CSMD1: variants seen among roughly 807,000 people sequenced by gnomAD.
CSMD1 encodes the protein CUB and sushi domain-containing protein 1.
Under a neutral mutation model 417.5 loss-of-function variants are expected in CSMD1, and 213 were observed. The ratio of observed to expected loss-of-function variants is 0.51; its 90% confidence interval spans 0.46 to 0.57. CSMD1 has a LOEUF of 0.57. Ranked by LOEUF, CSMD1 falls within the 20% of genes least tolerant of loss-of-function variation. The pLI, the probability that CSMD1 is intolerant of heterozygous loss-of-function variation, is 0.00. For missense variants in CSMD1, 6,923 were observed against 4,529.7 expected, an observed-to-expected ratio of 1.53 and a Z score of -15.17; for synonymous variants, 2,862 against 1,736.8, an observed-to-expected ratio of 1.65 and a Z score of -16.11.
intron 3 of CSMD1, among the ~76,000 whole-genome samples, chr8:4,333,918 TTCTCAC>T (rs1358424524): frequency 6.6e-6 from 1 of 152,090 alleles, no homozygotes; most frequent in Non-Finnish European, 1.5e-5. Flanking sequence ...TTGAGAAAAG[TTCTCAC>T]TCTGTCATCC....
intron 1 of CSMD1, among the ~76,000 whole-genome samples, chr8:4,841,854 T>G (rs1800852912): frequency 7.7e-6 from 1 of 129,696 alleles, no homozygotes; most frequent in Admixed American, 1.1e-4. Context: ...GAGGTTACAG[T>G]GAGCCGAGAT....
At chr8:4,489,375 T>C (rs1225355201) in intron 2 of CSMD1, among the ~76,000 whole-genome samples, 1 of 152,240 alleles carries the variant, frequency 6.6e-6, no homozygotes, top group African/African-American at 2.4e-5. Context: ...TCCATGTATA[T>C]TTCACATGCA....
intron 3 of CSMD1, among the ~76,000 whole-genome samples, chr8:4,040,829 G>T (rs73183951): frequency 6.6e-6 from 1 of 152,066 alleles, no homozygotes; most frequent in Non-Finnish European, 1.5e-5. Flanking sequence ...AAAGACTTTA[G>T]CAGCTCCGGA....
intron 4 of CSMD1, among the ~76,000 whole-genome samples, chr8:4,002,717 G>T (rs955369194): frequency 6.6e-6 from 1 of 152,110 alleles, no homozygotes; most frequent in African/African-American, 2.4e-5. Context: ...GACCCAATAT[G>T]ATTAAATGTA....
intron 2 of CSMD1, among the ~76,000 whole-genome samples, chr8:4,585,375 A>G (rs1799647603): frequency 6.6e-6 from 1 of 152,188 alleles, no homozygotes; most frequent in Admixed American, 6.5e-5. Flanking sequence ...GTTAATACAC[A>G]ATTTTTGAAA....
At chr8:3,435,763 GTC>G (rs1344102270) in intron 12 of CSMD1, among the ~76,000 whole-genome samples, 1 of 152,138 alleles carries the variant, frequency 6.6e-6, no homozygotes, top group African/African-American at 2.4e-5. Context: ...AACAATGTGT[GTC>G]AGGTCAGGCA....
At chr8:4,136,675 G>A (rs1372835916) in intron 3 of CSMD1, among the ~76,000 whole-genome samples, 1 of 152,236 alleles carries the variant, frequency 6.6e-6, no homozygotes, top group South Asian at 2.1e-4. Flanking sequence ...TGTCTCACAA[G>A]TGTGCTGTGA....
At chr8:4,733,010 G>C (rs543727509) in intron 1 of CSMD1, among the ~76,000 whole-genome samples, 1 of 139,610 alleles carries the variant, frequency 7.2e-6, no homozygotes, top group East Asian at 2.0e-4. Flanking sequence ...TCTTTCATTT[G>C]CACGGTTTCT....
rs144776573 is a variant in CSMD1, at chr8:3,646,385, C to G, written c.1010-29588G>C. On this transcript the variant is annotated intron_variant, in intron 7 of 69. Transcript: ENST00000635120. ...CCAACTTTTTTCTATGCATGCATTG[C>G]TTTGTAATAAGAAATTACCATACAA... Among the ~76,000 whole-genome samples, 122 of 152,148 alleles carry G rather than the reference C, an allele frequency of 8.0e-4. 1 individual carries two copies. Among genetic ancestry groups the G allele is most frequent in the African/African-American group, 2.9e-3 (120 of 41,514 alleles).
chr8:4,797,941 T>C (rs1460988525), intron 1 of CSMD1, among the ~76,000 whole-genome samples: 2 of 152,208 alleles, frequency 1.3e-5, no homozygotes, highest in Admixed American at 6.5e-5. Context: ...AATGAAGACA[T>C]ACATATGTGC....
intron 57 of CSMD1, among the ~76,000 whole-genome samples, chr8:2,970,315 G>C (rs1480624881): frequency 6.6e-6 from 1 of 152,118 alleles, no homozygotes; most frequent in Non-Finnish European, 1.5e-5. Context: ...AAATACTTGA[G>C]GTAAACATGA....
intron 40 of CSMD1, among the ~76,000 whole-genome samples, chr8:3,149,989 A>G (rs1354541088): frequency 1.3e-5 from 2 of 152,180 alleles, no homozygotes; most frequent in African/African-American, 4.8e-5. Flanking sequence ...TACCTCTGAA[A>G]GAATTCTTAA....
At chr8:3,507,312 TG>T (rs2117375468) in intron 10 of CSMD1, among the ~76,000 whole-genome samples, 1 of 152,354 alleles carries the variant, frequency 6.6e-6, no homozygotes, top group African/African-American at 2.4e-5. Flanking sequence ...GCTTCATCCA[TG>T]TCCCTAAAAA....
At chr8:4,342,056 C>T (rs950150181) in intron 3 of CSMD1, among the ~76,000 whole-genome samples, 2 of 152,060 alleles carry the variant, frequency 1.3e-5, no homozygotes, top group African/African-American at 4.8e-5. Flanking sequence ...TTTGGAGCAT[C>T]CTGAAGATCC....
intron 5 of CSMD1, among the ~76,000 whole-genome samples, chr8:3,889,697 C>T (rs1319901884): frequency 6.6e-6 from 1 of 151,462 alleles, no homozygotes; most frequent in Non-Finnish European, 1.5e-5. Flanking sequence ...TCAACCTGGA[C>T]TTCCTATAAA....
At chr8:3,916,571 G>C (rs991801877) in intron 5 of CSMD1, among the ~76,000 whole-genome samples, 2 of 152,258 alleles carry the variant, frequency 1.3e-5, no homozygotes, top group Non-Finnish European at 1.5e-5. Context: ...AAGTATGATT[G>C]TATGAACATT....
chr8:3,035,255 G>A (rs1479613403), intron 50 of CSMD1, among the ~76,000 whole-genome samples: 7 of 152,104 alleles, frequency 4.6e-5, no homozygotes, highest in Non-Finnish European at 7.3e-5. Context: ...TCCCAGAGAC[G>A]CGCATCTGTT....
chr8:2,972,578 C>G (rs185622109), intron 57 of CSMD1, among the ~76,000 whole-genome samples: 4 of 152,336 alleles, frequency 2.6e-5, no homozygotes, highest in Admixed American at 2.6e-4. Flanking sequence ...ACTGTCATTA[C>G]TGGAGCATAC....
chr8:4,287,004 A>G (rs562524036), intron 3 of CSMD1, among the ~76,000 whole-genome samples: 1 of 152,310 alleles, frequency 6.6e-6, no homozygotes, highest in South Asian at 2.1e-4. Flanking sequence ...AAAAAGGGCT[A>G]AGTTTCACTT....
Sources: allele counts gnomAD v4.1 joint callset (sites outside exome capture counted in the v4.1 genomes callset), GRCh38; gene constraint gnomAD v4.1.1; transcripts MANE v1.5; gene names NCBI Gene and HGNC (gene_info 2026-07-23, HGNC 2026-07-21).